The following FBXO15 variants were observed in gnomAD, a reference collection of about 807,000 sequenced individuals.
FBXO15 encodes the protein F-box protein 15.
A neutral mutation model predicts 49.5 loss-of-function variants in FBXO15; 30 were observed. That is an observed-to-expected ratio of 0.61 (90% confidence interval 0.45 to 0.82). The LOEUF is 0.82. Among genes scored for constraint, FBXO15 ranks in the 40% least tolerant of loss-of-function variants. FBXO15 has a pLI of 0.00. For synonymous variants in FBXO15, 250 were observed against 232.7 expected, an observed-to-expected ratio of 1.07 and a Z score of -0.68; for missense variants, 591 against 631.5, an observed-to-expected ratio of 0.94 and a Z score of 0.69.
chr18:74,137,372 A>T (rs1021653962), intron 2 of FBXO15, among the ~76,000 whole-genome samples: 13 of 152,294 alleles, frequency 8.5e-5, no homozygotes, highest in Middle Eastern at 6.8e-3. Context: ...CATATCTATT[A>T]TTTTTTAAAT....
intron 8 of FBXO15, among the ~76,000 whole-genome samples, chr18:74,086,894 C>T (rs1422582640): frequency 1.3e-5 from 2 of 152,108 alleles, no homozygotes; most frequent in East Asian, 3.8e-4. Context: ...CTCCAGGGTA[C>T]TAGAGGGAAA....
At chr18:74,081,496 T>C (rs1912494773) in intron 9 of FBXO15, among the ~76,000 whole-genome samples, 1 of 152,260 alleles carries the variant, frequency 6.6e-6, no homozygotes, top group Non-Finnish European at 1.5e-5. Context: ...GAAATCCCTA[T>C]ATCCTGGACT....
chr18:74,093,111 G>A (rs1481252965), intron 8 of FBXO15, among the ~76,000 whole-genome samples: 2 of 152,184 alleles, frequency 1.3e-5, no homozygotes, highest in African/African-American at 2.4e-5. Context: ...CCATGCACAT[G>A]TTTGTGCCAG....
At chr18:74,108,711 G>C (rs1270618434) in intron 8 of FBXO15, among the ~76,000 whole-genome samples, 1 of 152,060 alleles carries the variant, frequency 6.6e-6, no homozygotes, top group East Asian at 1.9e-4. Context: ...GAAGCTCAGA[G>C]AACACCAAAC....
intron 5 of FBXO15, among the ~76,000 whole-genome samples, chr18:74,128,718 G>A (rs903399362): frequency 6.6e-6 from 1 of 152,220 alleles, no homozygotes; most frequent in African/African-American, 2.4e-5. Context: ...GCCCGAGAGA[G>A]CTGCTCAGAA....
intron 8 of FBXO15, among the ~76,000 whole-genome samples, chr18:74,092,245 C>A (rs4455060): frequency 0.26 from 40,109 of 152,070 alleles, 7,792 homozygotes; most frequent in African/African-American, 0.54. Context: ...TTCTTTCTTA[C>A]ATGGCCATTT....
At chr18:74,117,171 C>T (rs1914267584) in intron 8 of FBXO15, among the ~76,000 whole-genome samples, 2 of 152,056 alleles carry the variant, frequency 1.3e-5, no homozygotes, top group African/African-American at 2.4e-5. Flanking sequence ...GCAACAGCAC[C>T]CTCTGCTGAC....
rs75685964 is a variant in FBXO15, at chr18:74,113,463, G to C, written c.1138+9905C>G. ...CTATGGTAGGACCTTGTGTGATTAT[G>C]ACATGTCAACATTGTCCACTCTAGT... On this transcript the variant is annotated intron_variant, in intron 8 of 9. Transcript: ENST00000419743. Among the ~76,000 whole-genome samples, 99 of 152,246 alleles carry C rather than the reference G, an allele frequency of 6.5e-4. 2 individuals carry two copies. In the East Asian group the frequency reaches 0.017, roughly 27 times the overall value.
chr18:74,133,143 C>CTA (rs1427080210), intron 3 of FBXO15, among the ~76,000 whole-genome samples: 2 of 152,342 alleles, frequency 1.3e-5, no homozygotes, highest in African/African-American at 4.8e-5. Context: ...AAGAGTCAGA[C>CTA]TATGACTCTT....
intron 2 of FBXO15, among the ~76,000 whole-genome samples, chr18:74,137,370 T>C (rs1474600441): frequency 6.6e-6 from 1 of 152,222 alleles, no homozygotes; most frequent in African/African-American, 2.4e-5. Flanking sequence ...TTCATATCTA[T>C]TATTTTTTAA....
In FBXO15 at chr18:74,126,226, T is replaced by G. The variant is rs982133986; in HGVS notation, c.786-125A>C. The G allele has an allele frequency of 2.3e-6, 3 of 1,276,680 alleles. No homozygotes were observed. The African/African-American group carries it at 4.4e-5, about 19-fold the overall frequency. The allele number at this position is 1,276,680 out of a possible 1,614,324, so 79.1% of individuals were successfully genotyped here. Reference sequence around the variant, plus strand: ...ATGTTAATGATGTGCTCAAACTAAGTGGCATGTTGGCAGGGTGAGGACACA... The same window carrying G: ...ATGTTAATGATGTGCTCAAACTAAGGGGCATGTTGGCAGGGTGAGGACACA... On this transcript the variant is annotated intron_variant, in intron 5 of 9. Coordinates refer to ENST00000419743, the MANE Select transcript of FBXO15 (RefSeq NM_001142958.2).
In FBXO15 at chr18:74,129,592, T is replaced by C. The variant is rs199653489; in HGVS notation, c.598A>G (p.Ile200Val). The C allele has an allele frequency of 1.7e-4, 280 of 1,611,938 alleles. No homozygotes were observed. The highest frequency in any genetic ancestry group is 2.3e-4 in the Non-Finnish European group (269 of 1,179,820). ...TTTCCACCTTTTTCTTTCAGTATAA[T>C]TGCCCAACCTAAACCAAATATTCTG... The part of the protein sequence containing the change: ...ALRIFGLGWA[I>V]ILKEKGGKEY... The change falls in exon 5 of 10, where the codon ATT becomes GTT. Residue 200 changes from isoleucine to valine, a missense_variant. Ile to Val is a conservative substitution (Grantham distance 29, BLOSUM62 3). Transcript: ENST00000419743.
intron 9 of FBXO15, among the ~76,000 whole-genome samples, chr18:74,079,981 C>T (rs551272166): frequency 2.0e-5 from 3 of 152,350 alleles, no homozygotes; most frequent in African/African-American, 4.8e-5. Context: ...GTAGCCTATG[C>T]TCTGACAGGC....
In FBXO15 at chr18:74,124,492, G is replaced by C. The variant is rs1238828303; in HGVS notation, c.992C>G (p.Thr331Ser). Residue 331 changes from threonine to serine, a missense_variant, in exon 7 of 10, where the codon ACT becomes AGT. Thr to Ser is a moderately conservative substitution (Grantham distance 58). Transcript: ENST00000419743. The part of the protein sequence containing the change: ...LVERSTLGSA[T>S]IPYELPPHSP... ...ACACCCACATATAAATACATACATA[G>C]TAGCCGAGCCTAATGTGCTCCTCTC... The C allele has an allele frequency of 6.2e-7, 1 of 1,613,442 alleles. No homozygotes were observed. The highest frequency in any genetic ancestry group is 8.5e-7 in the Non-Finnish European group (1 of 1,179,676).
In FBXO15 at chr18:74,130,412, G is replaced by A. The variant is rs371369684; in HGVS notation, c.575+4C>T. 69 of 1,613,830 alleles carry A rather than the reference G, an allele frequency of 4.3e-5. No homozygotes were observed. The highest frequency in any genetic ancestry group is 5.3e-5 in the African/African-American group (4 of 74,872). ...ATCATTCTCTTTTGGAACACACTGC[G>A]TACCTGAGGGCCTCTTTGGTCTTAA... On this transcript the variant is annotated splice_donor_region_variant and intron_variant, in intron 4 of 9. Coordinates refer to ENST00000419743, the MANE Select transcript of FBXO15 (RefSeq NM_001142958.2).
chr18:74,083,165 G>A (rs1394386596), intron 8 of FBXO15, among the ~76,000 whole-genome samples: 8 of 152,154 alleles, frequency 5.3e-5, no homozygotes, highest in East Asian at 1.9e-4. Flanking sequence ...GTTTCTCCAC[G>A]TCTTACTTCT....
chr18:74,083,472 A>T (rs1156843655), intron 8 of FBXO15, among the ~76,000 whole-genome samples: 1 of 152,202 alleles, frequency 6.6e-6, no homozygotes, highest in African/African-American at 2.4e-5. Flanking sequence ...TGCAAAACCA[A>T]GGGAGGCCTC....
chr18:74,101,411 T>C (rs1913513830), intron 8 of FBXO15, among the ~76,000 whole-genome samples: 2 of 151,600 alleles, frequency 1.3e-5, no homozygotes, highest in South Asian at 4.1e-4. Flanking sequence ...CATACCTCAA[T>C]GTAATAAAAG....
intron 9 of FBXO15, among the ~76,000 whole-genome samples, chr18:74,078,155 C>T (rs1316348626): frequency 6.6e-6 from 1 of 152,154 alleles, no homozygotes; most frequent in African/African-American, 2.4e-5. Flanking sequence ...CCTCTGCTGC[C>T]AGATCAAGAG....
Sources: allele counts gnomAD v4.1 joint callset (sites outside exome capture counted in the v4.1 genomes callset), GRCh38; gene constraint gnomAD v4.1.1; transcripts MANE v1.5; gene names NCBI Gene and HGNC (gene_info 2026-07-23, HGNC 2026-07-21).